NPTN: variants seen among roughly 807,000 people sequenced by gnomAD.
NPTN encodes the protein neuroplastin, also known as SDR-1.
In NPTN, 5 loss-of-function variants were observed where a neutral mutation model predicts 42.7. That is an observed-to-expected ratio of 0.12 (90% confidence interval 0.06 to 0.25). The LOEUF is 0.25. Among genes scored for constraint, NPTN ranks in the 10% least tolerant of loss-of-function variants. NPTN has a pLI of 1.00. For missense variants in NPTN, 307 were observed against 525.4 expected, an observed-to-expected ratio of 0.58 and a Z score of 4.06; for synonymous variants, 180 against 201.9, an observed-to-expected ratio of 0.89 and a Z score of 0.92.
intron 1 of NPTN, among the ~76,000 whole-genome samples, chr15:73,606,655 T>C (rs1025032748): frequency 6.6e-6 from 1 of 152,134 alleles, no homozygotes; most frequent in Non-Finnish European, 1.5e-5. Flanking sequence ...AAATGGAGCT[T>C]TGAGGCCAAA....
At chr15:73,601,792 A>G (rs973093508) in intron 1 of NPTN, among the ~76,000 whole-genome samples, 5 of 152,214 alleles carry the variant, frequency 3.3e-5, no homozygotes, top group Admixed American at 2.0e-4. Flanking sequence ...CAACAGTGAT[A>G]AAGAGGGAAA....
intron 1 of NPTN, among the ~76,000 whole-genome samples, chr15:73,617,697 C>T (rs1216695206): frequency 6.6e-6 from 1 of 152,166 alleles, no homozygotes; most frequent in African/African-American, 2.4e-5. Flanking sequence ...TGACACTCTA[C>T]TAAGACACTA....
chr15:73,611,592 A>G (rs1897582878), intron 1 of NPTN, among the ~76,000 whole-genome samples: 3 of 152,176 alleles, frequency 2.0e-5, no homozygotes, highest in Admixed American at 2.0e-4. Context: ...AGGAGATAAG[A>G]AGGAAGGAGG....
chr15:73,633,367 T>C lies in NPTN; in HGVS notation c.-152A>G. 1.9e-6 allele frequency: 1 copy of C among 521,700 alleles called. No homozygotes were observed. The highest frequency in any genetic ancestry group is 3.2e-6 in the Non-Finnish European group (1 of 316,478). The allele number at this position is 521,700 out of a possible 1,614,324, so 32.3% of individuals were successfully genotyped here. A position where few individuals can be genotyped will look rare whatever the true frequency, so the allele number is the denominator to read the frequency against. The stretch of plus-strand genomic sequence containing the variant: ...GCTCCGTCCTTCCCCGTCCTCCTCC[T>C]GCCGCCGCAGCGCCCAGGCCTCGCG... On this transcript the variant is annotated 5_prime_UTR_variant, in exon 1 of 9. Transcript: ENST00000345330.
Position 73,573,642 on chromosome 15 carries a change from C to T in NPTN, c.840+20G>A, listed in dbSNP as rs748727141. On this transcript the variant is annotated intron_variant, in intron 5 of 8. Coordinates refer to ENST00000345330, the MANE Select transcript of NPTN (RefSeq NM_012428.4). ...GGGAAAACTCCAGCAACCAGAGACC[C>T]GGGCCTGCCTCCTACTCACCATGGG... 7.1e-6 allele frequency: 11 copies of T among 1,543,672 alleles called. No homozygotes were observed. In the East Asian group the frequency reaches 2.2e-4, roughly 31 times the overall value.
At chr15:73,607,498 T>A (rs1595948976) in intron 1 of NPTN, among the ~76,000 whole-genome samples, 1 of 152,308 alleles carries the variant, frequency 6.6e-6, no homozygotes, top group East Asian at 1.9e-4. Flanking sequence ...CTAAGTATAA[T>A]CTAGAAGACA....
At chr15:73,608,935 A>G (rs1897418877) in intron 1 of NPTN, among the ~76,000 whole-genome samples, 3 of 152,148 alleles carry the variant, frequency 2.0e-5, no homozygotes, top group Admixed American at 2.0e-4. Context: ...GTAGTTAAAA[A>G]TAAGGATCTG....
chr15:73,594,951 T>A lies in NPTN; in HGVS notation c.439+2071A>T, dbSNP rs368570183. Among the ~76,000 whole-genome samples the A allele has an allele frequency of 5.8e-3, 751 of 128,898 alleles. 6 individuals are homozygous for A. Among genetic ancestry groups the A allele is most frequent in the East Asian group, 0.038 (175 of 4,568 alleles). The allele number at this position is 128,898 out of a possible 152,430, so 84.6% of individuals were successfully genotyped here. On this transcript the variant is annotated intron_variant, in intron 2 of 8. Transcript: ENST00000345330. Reference sequence around the variant, plus strand: ...AATTAGAGTTGGATCCAGGGTGTTTTAAAAAAAAAAAAAAAAAAGCAGCAG... The same window carrying A: ...AATTAGAGTTGGATCCAGGGTGTTTAAAAAAAAAAAAAAAAAAAGCAGCAG...
chr15:73,611,653 T>G (rs960225933), intron 1 of NPTN, among the ~76,000 whole-genome samples: 1 of 152,218 alleles, frequency 6.6e-6, no homozygotes, highest in Non-Finnish European at 1.5e-5. Context: ...ACTATCTGTA[T>G]AATACTCTAA....
At chr15:73,567,967 G>C in intron 6 of NPTN, 2 of 985,424 alleles carry the variant, frequency 2.0e-6, no homozygotes, top group Non-Finnish European at 2.4e-6. Flanking sequence ...CTCTTTTAAG[G>C]GTAGGATTCA....
chr15:73,585,009 GCC>G (rs1043893644), intron 4 of NPTN, among the ~76,000 whole-genome samples: 9 of 152,234 alleles, frequency 5.9e-5, no homozygotes, highest in African/African-American at 2.2e-4. Flanking sequence ...GACAGATAAT[GCC>G]CAGTCCCTGG....
intron 6 of NPTN, chr15:73,565,887 T>G: frequency 2.2e-6 from 1 of 445,420 alleles, no homozygotes; most frequent in South Asian, 1.6e-5. Flanking sequence ...CTCTGCAATG[T>G]CTAGTAAATA....
At chr15:73,578,359 G>C (rs1895805518) in intron 4 of NPTN, among the ~76,000 whole-genome samples, 1 of 152,158 alleles carries the variant, frequency 6.6e-6, no homozygotes, top group South Asian at 2.1e-4. Context: ...CCCAGGCAAG[G>C]GAGAGGCTGG....
intron 4 of NPTN, among the ~76,000 whole-genome samples, chr15:73,585,435 G>A (rs111743418): frequency 0.036 from 5,472 of 152,266 alleles, 154 homozygotes; most frequent in African/African-American, 0.074. Context: ...CTAAATGCAA[G>A]GCAGTTTTTC....
intron 1 of NPTN, among the ~76,000 whole-genome samples, chr15:73,605,977 G>A (rs181995955): frequency 2.6e-5 from 4 of 152,084 alleles, no homozygotes; most frequent in Admixed American, 6.5e-5. Flanking sequence ...CACAAGAATC[G>A]CTTGAATGCA....
intron 3 of NPTN, among the ~76,000 whole-genome samples, chr15:73,590,946 A>G (rs1370816504): frequency 6.6e-6 from 1 of 152,188 alleles, no homozygotes; most frequent in Admixed American, 6.5e-5. Flanking sequence ...AGATAGGTTA[A>G]CTACCTTGCC....
intron 4 of NPTN, among the ~76,000 whole-genome samples, chr15:73,584,653 G>C (rs1483723784): frequency 2.0e-5 from 3 of 151,358 alleles, no homozygotes; most frequent in South Asian, 4.2e-4. Flanking sequence ...TCTCCTGACC[G>C]GCCCTGCTCC....
At chr15:73,622,008 G>A (rs1898156970) in intron 1 of NPTN, among the ~76,000 whole-genome samples, 1 of 152,018 alleles carries the variant, frequency 6.6e-6, no homozygotes, top group African/African-American at 2.4e-5. Context: ...GATTTTCTTA[G>A]TACTGAAATT....
rs571709806 is a variant in NPTN at position 73,627,505 on chromosome 15, G to C, written c.91+5620C>G. Among the ~76,000 whole-genome samples the C allele has an allele frequency of 4.6e-5, 7 of 152,262 alleles. No individual in the cohort carries two copies. The South Asian group carries it at 1.4e-3, about 32-fold the overall frequency. On this transcript the variant is annotated intron_variant, in intron 1 of 8. Transcript: ENST00000345330. ...CAACAAGAAAACAGCAGGTATCTGA[G>C]GAATATTAAATGTCTCCCCTAACTT...
Sources: allele counts gnomAD v4.1 joint callset (sites outside exome capture counted in the v4.1 genomes callset), GRCh38; gene constraint gnomAD v4.1.1; transcripts MANE v1.5; gene names NCBI Gene and HGNC (gene_info 2026-07-23, HGNC 2026-07-21).